COL25A1: variants seen among roughly 807,000 people sequenced by gnomAD.
COL25A1 encodes collagen alpha-1(XXV) chain.
In COL25A1, 103 loss-of-function variants were observed where a neutral mutation model predicts 128.4. The ratio of observed to expected loss-of-function variants is 0.80; its 90% confidence interval spans 0.68 to 0.94. The LOEUF is 0.94. COL25A1 is among the 40% of genes least tolerant of loss of function. The pLI, the probability that COL25A1 is intolerant of heterozygous loss-of-function variation, is 0.00. For missense variants in COL25A1, 745 were observed against 840.0 expected (o/e 0.89, Z 1.40); for synonymous variants, 279 against 277.2 (o/e 1.01, Z -0.06).
Position 108,826,875 on chromosome 4 carries a change from T to A in COL25A1, c.1764+260A>T, listed in dbSNP as rs79647929. 4.3e-3 allele frequency among the ~76,000 whole-genome samples: 656 copies of A among 152,270 alleles called. 9 individuals are homozygous for A. The highest frequency in any genetic ancestry group is 0.015 in the African/African-American group (619 of 41,552). On this transcript the variant is annotated intron_variant, in intron 33 of 37. Transcript: ENST00000399132. ...GACAGTTAGGATCCTGTTCTCGAGT[T>A]AATACTTTATTCTAGAGACAGTCTC... is the stretch of plus-strand genomic sequence containing the variant.
chr4:108,824,065 G>T (rs766536460), intron 35 of COL25A1, 109 bp downstream of exon 35: 1 of 1,613,148 alleles, frequency 6.2e-7, no homozygotes, highest in Non-Finnish European at 8.5e-7. Flanking sequence ...TGTTTTTGGA[G>T]CACAGGATGG....
intron 5 of COL25A1, among the ~76,000 whole-genome samples, chr4:109,047,089 C>A (rs1760493708): frequency 6.6e-6 from 1 of 152,168 alleles, no homozygotes; most frequent in South Asian, 2.1e-4. Context: ...GTTCTTTATG[C>A]AGGCAAAACT....
intron 3 of COL25A1, among the ~76,000 whole-genome samples, chr4:109,086,568 GC>G (rs1274316905): frequency 6.6e-6 from 1 of 152,170 alleles, no homozygotes; most frequent in Non-Finnish European, 1.5e-5. Context: ...AAATAGAAAA[GC>G]TCTGTAGTCT....
At chr4:109,018,738 G>A (rs145696380) in intron 5 of COL25A1, among the ~76,000 whole-genome samples, 147 of 152,270 alleles carry the variant, frequency 9.7e-4, no homozygotes, top group Non-Finnish European at 1.8e-3. Flanking sequence ...GCTGAAAGGC[G>A]AGACTCTTTT....
intron 3 of COL25A1, among the ~76,000 whole-genome samples, chr4:109,095,611 T>C (rs1765327678): frequency 6.6e-6 from 1 of 152,148 alleles, no homozygotes; most frequent in South Asian, 2.1e-4. Flanking sequence ...CACAACTCAT[T>C]TGTCCCCTGG....
chr4:108,874,012 C>G (rs947997146), intron 19 of COL25A1, among the ~76,000 whole-genome samples: 1 of 152,028 alleles, frequency 6.6e-6, no homozygotes, highest in African/African-American at 2.4e-5. Flanking sequence ...GCAATGACAG[C>G]CTAAGTTTAT....
chr4:109,055,888 T>C (rs1043610073), intron 3 of COL25A1, among the ~76,000 whole-genome samples: 1 of 152,216 alleles, frequency 6.6e-6, no homozygotes, highest in African/African-American at 2.4e-5. Flanking sequence ...TTTATTCAGA[T>C]TTATTTCTCA....
At chr4:109,036,152 C>A (rs951477815) in intron 5 of COL25A1, among the ~76,000 whole-genome samples, 15 of 152,054 alleles carry the variant, frequency 9.9e-5, no homozygotes, top group African/African-American at 3.4e-4. Flanking sequence ...TGGTCTCGAT[C>A]TCCTGACCTC....
At chr4:109,026,256 C>T (rs1044800288) in intron 5 of COL25A1, among the ~76,000 whole-genome samples, 5 of 151,646 alleles carry the variant, frequency 3.3e-5, no homozygotes, top group African/African-American at 4.8e-5. Flanking sequence ...AAAAGTGTTC[C>T]AAAATGGAAA....
chr4:108,855,013 A>G (rs1172329154), intron 24 of COL25A1, among the ~76,000 whole-genome samples: 1 of 152,130 alleles, frequency 6.6e-6, no homozygotes, highest in Non-Finnish European at 1.5e-5. Context: ...TCTGTGCTGA[A>G]AGTTCTATGG....
chr4:108,957,950 A>G (rs1750260117), intron 8 of COL25A1, among the ~76,000 whole-genome samples: 1 of 152,150 alleles, frequency 6.6e-6, no homozygotes, highest in African/African-American at 2.4e-5. Flanking sequence ...ATATTACCCA[A>G]TAGTTTAAAA....
chr4:108,809,145 C>T lies in COL25A1; in HGVS notation c.*4782G>A, dbSNP rs962385224. Reference sequence around the variant, plus strand: ...TAATCAATTGTATGAGACTGGCCCACAAACATTTAAAAAAATATGCAGTGT... The same window carrying T: ...TAATCAATTGTATGAGACTGGCCCATAAACATTTAAAAAAATATGCAGTGT... On this transcript the variant is annotated 3_prime_UTR_variant, in exon 38 of 38. Transcript: ENST00000399132. 1 of 151,700 alleles carries T rather than the reference C, an allele frequency of 6.6e-6. No individual in the cohort carries two copies. The highest frequency in any genetic ancestry group is 1.5e-5 in the Non-Finnish European group (1 of 67,934). 9.4% of individuals were successfully genotyped at this position (151,700 alleles called of 1,614,324 possible). A position where few individuals can be genotyped will look rare whatever the true frequency, so the allele number is the denominator to read the frequency against.
Position 108,845,074 on chromosome 4 carries a change from G to C in COL25A1, c.1578+115C>G, listed in dbSNP as rs1429044041. ...TCTTCTACAGTTTGACAAACCAAGA[G>C]GTTTGAGGTCTGTCTACTGTTGTGC... is the stretch of plus-strand genomic sequence containing the variant. On this transcript the variant is annotated intron_variant, in intron 29 of 37. Transcript: ENST00000399132. 2.2e-5 allele frequency: 19 copies of C among 863,534 alleles called. No individual in the cohort carries two copies. The Middle Eastern group carries it at 2.7e-3, about 121-fold the overall frequency. The allele number at this position is 863,534 out of a possible 1,614,324, so 53.5% of individuals were successfully genotyped here.
chr4:109,259,993 T>C (rs1356612682), intron 3 of COL25A1, among the ~76,000 whole-genome samples: 1 of 152,246 alleles, frequency 6.6e-6, no homozygotes, highest in Admixed American at 6.5e-5. Context: ...ATGCAGGCGA[T>C]GCAAACTCTT....
At chr4:109,161,279 A>G (rs982225502) in intron 3 of COL25A1, among the ~76,000 whole-genome samples, 1 of 152,198 alleles carries the variant, frequency 6.6e-6, no homozygotes, top group Non-Finnish European at 1.5e-5. Flanking sequence ...AAAGTCAAGG[A>G]TACTGCTAAA....
chr4:109,257,749 G>A (rs1241286736), intron 3 of COL25A1, among the ~76,000 whole-genome samples: 5 of 152,114 alleles, frequency 3.3e-5, no homozygotes, highest in Non-Finnish European at 5.9e-5. Flanking sequence ...AAGGTAATGG[G>A]ACAGCATATG....
At chr4:108,868,326 G>A (rs1578597187) in intron 20 of COL25A1, among the ~76,000 whole-genome samples, 1 of 152,112 alleles carries the variant, frequency 6.6e-6, no homozygotes, top group East Asian at 1.9e-4. Context: ...ATTGAACACA[G>A]TGGTGCCATT....
intron 19 of COL25A1, among the ~76,000 whole-genome samples, chr4:108,873,027 G>A (rs1471905913): frequency 6.6e-6 from 1 of 151,852 alleles, no homozygotes; most frequent in Admixed American, 6.6e-5. Context: ...TGAGTAGCTT[G>A]GACTATAGTT....
chr4:109,069,014 G>T (rs1205262434), intron 3 of COL25A1, among the ~76,000 whole-genome samples: 1 of 151,688 alleles, frequency 6.6e-6, no homozygotes, highest in Non-Finnish European at 1.5e-5. Context: ...AATAGCACAG[G>T]CTATGACACA....
Sources: gnomAD v4.1 joint callset for allele counts (sites outside exome capture counted in the v4.1 genomes callset) on GRCh38, gnomAD v4.1.1 for gene constraint, MANE v1.5 for transcripts, NCBI Gene and HGNC (gene_info 2026-07-23, HGNC 2026-07-21) for gene names.